Variants in GRK3 observed in about 807,000 individuals in gnomAD.
GRK3 encodes the protein G protein-coupled receptor kinase 3.
GRK3 carries 54 observed loss-of-function variants against 95.7 expected under a neutral mutation model. The ratio of observed to expected loss-of-function variants is 0.56; its 90% confidence interval spans 0.45 to 0.71. The LOEUF is 0.71. Among genes scored for constraint, GRK3 ranks in the 30% least tolerant of loss-of-function variants. The probability of loss-of-function intolerance (pLI) is 0.00; values close to 1 mark genes in which losing one functional copy is unlikely to be tolerated. For synonymous variants in GRK3, 281 were observed against 290.8 expected, an observed-to-expected ratio of 0.97 and a Z score of 0.34; for missense variants, 649 against 851.2, an observed-to-expected ratio of 0.76 and a Z score of 2.96.
At chr22:25,665,477 A>G (rs1268844851) in intron 5 of GRK3, among the ~76,000 whole-genome samples, 2 of 152,242 alleles carry the variant, frequency 1.3e-5, no homozygotes, top group Non-Finnish European at 2.9e-5. Context: ...AAAGACCACT[A>G]GGATTCTTTC....
intron 13 of GRK3, among the ~76,000 whole-genome samples, chr22:25,703,266 T>C (rs964753993): frequency 2.6e-5 from 4 of 152,246 alleles, no homozygotes; most frequent in African/African-American, 9.6e-5. Context: ...CAGCGTATTT[T>C]AGGGCCACAA....
At chr22:25,654,866 C>A (rs763482310) in intron 3 of GRK3, among the ~76,000 whole-genome samples, 1 of 152,182 alleles carries the variant, frequency 6.6e-6, no homozygotes, top group Non-Finnish European at 1.5e-5. Context: ...TCTCACCTCT[C>A]TTCTGGCTTG....
chr22:25,630,231 C>G (rs948943965), intron 2 of GRK3, among the ~76,000 whole-genome samples: 2 of 152,182 alleles, frequency 1.3e-5, no homozygotes, highest in Non-Finnish European at 2.9e-5. Context: ...TCCCCACCCC[C>G]ACTTTGTCCG....
intron 5 of GRK3, among the ~76,000 whole-genome samples, chr22:25,665,042 C>T (rs2084932846): frequency 6.6e-6 from 1 of 152,166 alleles, no homozygotes; most frequent in Admixed American, 6.5e-5. Context: ...CTTTGAGTCC[C>T]AGGGCCGTAG....
At chr22:25,625,208 T>C (rs778309526) in intron 2 of GRK3, among the ~76,000 whole-genome samples, 2 of 152,218 alleles carry the variant, frequency 1.3e-5, no homozygotes, top group Non-Finnish European at 2.9e-5. Context: ...AAAACAAGAA[T>C]AGTTATACCA....
At chr22:25,614,117 CT>C (rs969455167) in intron 2 of GRK3, among the ~76,000 whole-genome samples, 6 of 151,852 alleles carry the variant, frequency 4.0e-5, no homozygotes, top group African/African-American at 9.7e-5. Context: ...AATGTATTAT[CT>C]TTTTTTTAAT....
At chr22:25,590,773 C>G (rs1932463991) in intron 1 of GRK3, among the ~76,000 whole-genome samples, 1 of 152,076 alleles carries the variant, frequency 6.6e-6, no homozygotes, top group African/African-American at 2.4e-5. Context: ...CCACTGCACT[C>G]CAGCCTAGCG....
intron 15 of GRK3, among the ~76,000 whole-genome samples, chr22:25,705,009 C>A (rs1402063992): frequency 6.6e-6 from 1 of 152,128 alleles, no homozygotes; most frequent in African/African-American, 2.4e-5. Context: ...TAAGAAATAA[C>A]TTTTAACTGT....
intron 3 of GRK3, among the ~76,000 whole-genome samples, chr22:25,653,699 A>C (rs193000437): frequency 1.3e-5 from 2 of 152,170 alleles, no homozygotes; most frequent in South Asian, 2.1e-4. Flanking sequence ...TAGAATTCAC[A>C]TTCTTTTTTT....
chr22:25,652,718 G>A (rs1366407814), intron 3 of GRK3, among the ~76,000 whole-genome samples: 4 of 152,034 alleles, frequency 2.6e-5, no homozygotes, highest in African/African-American at 9.7e-5. Context: ...ATGATATTAG[G>A]CCAACAAAAG....
At chr22:25,712,325 G>A (rs1387290360) in intron 17 of GRK3, among the ~76,000 whole-genome samples, 3 of 152,244 alleles carry the variant, frequency 2.0e-5, no homozygotes, top group Non-Finnish European at 1.5e-5. Context: ...CCGATGCCTA[G>A]ACCTGTGCAC....
intron 1 of GRK3, among the ~76,000 whole-genome samples, chr22:25,586,969 C>G (rs1333111484): frequency 6.6e-6 from 1 of 151,774 alleles, no homozygotes; most frequent in Non-Finnish European, 1.5e-5. Context: ...ACCACATCCT[C>G]CACCTCCCAT....
Position 25,714,517 on chromosome 22 carries a change from A to C in GRK3, c.1601A>C (p.Asp534Ala), listed in dbSNP as rs776225967. ...TATGAAGCAGTAAATGCAGACACAG[A>C]TAAAATCGAGGCCAGGAAGAGAGCT... ...TVYEAVNADT[D>A]KIEARKRAKN... The change falls in exon 18 of 21, where the codon GAT becomes GCT. Residue 534 changes from aspartate (D) to alanine (A), a missense_variant. By Grantham distance (126) the Asp-to-Ala change is moderately radical (BLOSUM62 -2). Coordinates refer to ENST00000324198, the MANE Select transcript of GRK3 (RefSeq NM_005160.4). The C allele has an allele frequency of 1.2e-6, 2 of 1,613,548 alleles. No homozygotes were observed. The highest frequency in any genetic ancestry group is 1.7e-6 in the Non-Finnish European group (2 of 1,179,832).
At chr22:25,633,629 T>C (rs1340170287) in intron 2 of GRK3, among the ~76,000 whole-genome samples, 2 of 152,174 alleles carry the variant, frequency 1.3e-5, no homozygotes, top group East Asian at 3.8e-4. Context: ...AATAAAAATA[T>C]CAATATGGAA....
chr22:25,595,031 ACAGC>A (rs2084362878), intron 1 of GRK3, among the ~76,000 whole-genome samples: 1 of 152,186 alleles, frequency 6.6e-6, no homozygotes, highest in Non-Finnish European at 1.5e-5. Flanking sequence ...CAAAATAATA[ACAGC>A]TATCTATGAC....
At chr22:25,595,390 C>T (rs1321876074) in intron 1 of GRK3, among the ~76,000 whole-genome samples, 1 of 152,168 alleles carries the variant, frequency 6.6e-6, no homozygotes, top group Non-Finnish European at 1.5e-5. Context: ...AATTAAAATG[C>T]AGTCCCATTT....
rs554024613 is a variant in GRK3 at position 25,617,562 on chromosome 22, C to A, written c.190+13109C>A. On this transcript the variant is annotated intron_variant, in intron 2 of 20. Transcript: ENST00000324198. ...ATATGCATTTCCATAATATGCATTTCCATAACTTCAGAAAGCATAGTCTTG... is the reference window on the plus strand; with the variant it reads ...ATATGCATTTCCATAATATGCATTTACATAACTTCAGAAAGCATAGTCTTG... 3.3e-5 allele frequency among the ~76,000 whole-genome samples: 5 copies of A among 152,340 alleles called. No individual in the cohort carries two copies. The East Asian group carries it at 9.6e-4, about 29-fold the overall frequency.
At chr22:25,672,210 C>A in intron 6 of GRK3, 86 bp from the exon 7 acceptor site, 1 of 644,296 alleles carries the variant, frequency 1.6e-6, no homozygotes, top group Non-Finnish European at 2.7e-6. Flanking sequence ...CCAAGTAATG[C>A]CGTTCTAGTC....
At chr22:25,595,431 GA>G (rs1192027127) in intron 1 of GRK3, among the ~76,000 whole-genome samples, 14 of 152,114 alleles carry the variant, frequency 9.2e-5, no homozygotes, top group Admixed American at 2.6e-4. Flanking sequence ...AAATACTTAG[GA>G]ATACATCAAA....
Sources: allele counts gnomAD v4.1 joint callset (sites outside exome capture counted in the v4.1 genomes callset), GRCh38; gene constraint gnomAD v4.1.1; transcripts MANE v1.5; gene names NCBI Gene and HGNC (gene_info 2026-07-23, HGNC 2026-07-21).